PTPRD: variants seen among roughly 807,000 people sequenced by gnomAD.
PTPRD encodes protein tyrosine phosphatase receptor type D.
A neutral mutation model predicts 214.5 loss-of-function variants in PTPRD; 34 were observed. The ratio of observed to expected loss-of-function variants is 0.16; its 90% CI spans 0.12 to 0.21. The LOEUF is 0.21. Among genes scored for constraint, PTPRD ranks in the 10% least tolerant of loss-of-function variants. The pLI, the probability that PTPRD is intolerant of heterozygous loss-of-function variation, is 1.00. For synonymous variants in PTPRD, 1,128 were observed against 845.7 expected, an observed-to-expected ratio of 1.33 and a Z score of -5.79; for missense variants, 2,545 against 2,398.7, an observed-to-expected ratio of 1.06 and a Z score of -1.27.
At chr9:9,040,331 G>T (rs1393087903) in intron 10 of PTPRD, among the ~76,000 whole-genome samples, 1 of 152,078 alleles carries the variant, frequency 6.6e-6, no homozygotes, top group Non-Finnish European at 1.5e-5. Context: ...TCTGGTGATG[G>T]GCTTAAGAAA....
chr9:9,114,175 T>G (rs956585959), intron 10 of PTPRD, among the ~76,000 whole-genome samples: 3 of 152,164 alleles, frequency 2.0e-5, no homozygotes, highest in Admixed American at 6.6e-5. Flanking sequence ...AGGCCAATCA[T>G]GTTGCCTTTA....
intron 8 of PTPRD, among the ~76,000 whole-genome samples, chr9:9,419,116 A>G (rs1021839565): frequency 7.3e-6 from 1 of 137,296 alleles, no homozygotes; most frequent in South Asian, 2.4e-4. Context: ...AATTCTAAAG[A>G]TAGGCCCCTT....
intron 8 of PTPRD, among the ~76,000 whole-genome samples, chr9:9,559,641 T>G (rs890933140): frequency 6.6e-6 from 1 of 152,184 alleles, no homozygotes; most frequent in African/African-American, 2.4e-5. Context: ...CTATGACATA[T>G]AGTGGAGCTA....
At chr9:8,938,552 C>T (rs147969002) in intron 11 of PTPRD, among the ~76,000 whole-genome samples, 196 of 152,172 alleles carry the variant, frequency 1.3e-3, no homozygotes, top group Non-Finnish European at 2.3e-3. Context: ...TTTAGTATAG[C>T]ACATAGAGTA....
At chr9:8,943,294 C>G (rs2099044528) in intron 11 of PTPRD, among the ~76,000 whole-genome samples, 1 of 151,734 alleles carries the variant, frequency 6.6e-6, no homozygotes, top group South Asian at 2.1e-4. Flanking sequence ...TTTTATGGAA[C>G]ACAAAAGACT....
intron 2 of PTPRD, among the ~76,000 whole-genome samples, chr9:10,587,551 G>C (rs1294152217): frequency 5.3e-5 from 8 of 151,960 alleles, no homozygotes; most frequent in Admixed American, 3.9e-4. Flanking sequence ...AGCTTATGAG[G>C]AGTTGGTTTT....
chr9:8,902,795 A>G (rs1345187146), intron 11 of PTPRD, among the ~76,000 whole-genome samples: 1 of 152,212 alleles, frequency 6.6e-6, no homozygotes, highest in Non-Finnish European at 1.5e-5. Context: ...TAAAAAATCT[A>G]TTTGAATTTT....
chr9:9,067,697 A>G (rs2099737089), intron 10 of PTPRD, among the ~76,000 whole-genome samples: 1 of 152,224 alleles, frequency 6.6e-6, no homozygotes. Flanking sequence ...ACACAGAGAG[A>G]CATCAAATAG....
intron 8 of PTPRD, among the ~76,000 whole-genome samples, chr9:9,461,558 C>G (rs939854297): frequency 6.6e-6 from 1 of 151,982 alleles, no homozygotes; most frequent in African/African-American, 2.4e-5. Context: ...GGGTTCTTAA[C>G]CATTTGAGGG....
intron 14 of PTPRD, among the ~76,000 whole-genome samples, chr9:8,559,928 G>A (rs1444561767): frequency 6.6e-6 from 1 of 152,150 alleles, no homozygotes; most frequent in African/African-American, 2.4e-5. Context: ...AGTGTTTATT[G>A]AAAACCTTTG....
chr9:9,564,304 C>A (rs957123932), intron 8 of PTPRD, among the ~76,000 whole-genome samples: 6 of 152,102 alleles, frequency 3.9e-5, no homozygotes, highest in African/African-American at 1.4e-4. Flanking sequence ...TGCCCAAGTT[C>A]TTGAAGTACT....
intron 12 of PTPRD, among the ~76,000 whole-genome samples, chr9:8,683,703 G>T (rs1190129097): frequency 4.6e-5 from 7 of 152,214 alleles, no homozygotes. Flanking sequence ...GCACAGGGTT[G>T]TGACAGCACT....
chr9:9,253,634 C>A (rs1041345400), intron 9 of PTPRD, among the ~76,000 whole-genome samples: 20 of 152,024 alleles, frequency 1.3e-4, no homozygotes, highest in African/African-American at 4.6e-4. Flanking sequence ...GGAGTCTCAA[C>A]AGATGCCAAA....
At chr9:8,795,995 T>C (rs908481348) in intron 11 of PTPRD, among the ~76,000 whole-genome samples, 4 of 152,182 alleles carry the variant, frequency 2.6e-5, no homozygotes, top group Non-Finnish European at 5.9e-5. Flanking sequence ...AAAACACTTC[T>C]GAAGAAATTA....
intron 9 of PTPRD, among the ~76,000 whole-genome samples, chr9:9,265,608 G>T (rs1370924640): frequency 6.6e-6 from 1 of 151,416 alleles, no homozygotes; most frequent in Non-Finnish European, 1.5e-5. Flanking sequence ...TGAAAATGTA[G>T]AATTTTTGAA....
intron 8 of PTPRD, among the ~76,000 whole-genome samples, chr9:9,569,915 C>A (rs1247262770): frequency 1.3e-5 from 2 of 151,438 alleles, no homozygotes; most frequent in Non-Finnish European, 3.0e-5. Flanking sequence ...TGTATTCAGA[C>A]TAAAGGATTT....
At chr9:10,442,447 C>T (rs1048917931) in intron 2 of PTPRD, among the ~76,000 whole-genome samples, 16 of 151,366 alleles carry the variant, frequency 1.1e-4, no homozygotes, top group African/African-American at 2.9e-4. Context: ...AAGTTTGATC[C>T]GATATTGGTT....
chr9:10,322,704 T>G (rs1489603175), intron 3 of PTPRD, among the ~76,000 whole-genome samples: 1 of 152,040 alleles, frequency 6.6e-6, no homozygotes, highest in Non-Finnish European at 1.5e-5. Context: ...ATCAACCAAT[T>G]TGCACATTGG....
At chr9:9,154,443 G>T (rs1022651955) in intron 10 of PTPRD, among the ~76,000 whole-genome samples, 3 of 152,088 alleles carry the variant, frequency 2.0e-5, no homozygotes, top group Non-Finnish European at 4.4e-5. Flanking sequence ...TCTTCTCTCT[G>T]TGTCTTCCCA....
Sources: gnomAD v4.1 joint callset for allele counts (sites outside exome capture counted in the v4.1 genomes callset) on GRCh38, gnomAD v4.1.1 for gene constraint, MANE v1.5 for transcripts, NCBI Gene and HGNC (gene_info 2026-07-23, HGNC 2026-07-21) for gene names.